Variants in DLGAP2 observed in about 807,000 individuals in gnomAD.
DLGAP2 encodes disks large-associated protein 2.
Under a neutral mutation model 100.3 loss-of-function variants are expected in DLGAP2, and 26 were observed. The ratio of observed to expected loss-of-function variants is 0.26; its 90% CI spans 0.19 to 0.36. The LOEUF (loss-of-function observed/expected upper bound fraction) is 0.36. Ranked by LOEUF, DLGAP2 falls within the 10% of genes least tolerant of loss-of-function variation. The pLI, the probability that DLGAP2 is intolerant of heterozygous loss-of-function variation, is 1.00. For synonymous variants in DLGAP2, 886 were observed against 630.1 expected, an observed-to-expected ratio of 1.41 and a Z score of -6.08; for missense variants, 1,858 against 1,453.2, an observed-to-expected ratio of 1.28 and a Z score of -4.53.
rs1412296020 is a variant in DLGAP2, at chr8:878,367, C to G, written c.19-29545C>G. Among the ~76,000 whole-genome samples the G allele has an allele frequency of 6.6e-5, 10 of 152,250 alleles. No homozygotes were observed. In the East Asian group the frequency reaches 1.7e-3, roughly 26 times the overall value. On this transcript the variant is annotated intron_variant, in intron 1 of 14. Coordinates refer to ENST00000637795, the MANE Select transcript of DLGAP2 (RefSeq NM_001346810.2). ...GGAACACACGGTAGGTTTTGTGGTT[C>G]AAAGTTCAGAAAATTCTTGATGAAT...
At position 1,702,443 on chromosome 8, in the gene DLGAP2, G is replaced by A. The variant is rs1249445579; in HGVS notation, c.*1037G>A. 6.6e-6 allele frequency: 1 copy of A among 152,586 alleles called. No homozygotes were observed. Among genetic ancestry groups the A allele is most frequent in the Non-Finnish European group, 1.5e-5 (1 of 68,038 alleles). 9.5% of individuals were successfully genotyped at this position (152,586 alleles called of 1,614,324 possible). On this transcript the variant is annotated 3_prime_UTR_variant, in exon 15 of 15. Coordinates refer to ENST00000637795, the MANE Select transcript of DLGAP2 (RefSeq NM_001346810.2). ...TGTAAAAAGTTTAAGAAATATGAATGTGAGTGGTAAGTATATCTCAGTTTA... is the reference window on the plus strand; with the variant it reads ...TGTAAAAAGTTTAAGAAATATGAATATGAGTGGTAAGTATATCTCAGTTTA...
chr8:1,704,305 C>G lies in DLGAP2; in HGVS notation c.*2899C>G, dbSNP rs1257442316. 6.6e-6 allele frequency: 1 copy of G among 152,128 alleles called. No individual in the cohort carries two copies. Among genetic ancestry groups the G allele is most frequent in the Non-Finnish European group, 1.5e-5 (1 of 68,012 alleles). The allele number at this position is 152,128 out of a possible 1,614,324, so 9.4% of individuals were successfully genotyped here. A position where few individuals can be genotyped will look rare whatever the true frequency, so the allele number is the denominator to read the frequency against. On this transcript the variant is annotated 3_prime_UTR_variant, in exon 15 of 15. Transcript: ENST00000637795. Reference sequence around the variant, plus strand: ...TAGAGAGTGTGATGTTCACTATAACCCCATACCTACATTCCCTAATGATAC... The same window carrying G: ...TAGAGAGTGTGATGTTCACTATAACGCCATACCTACATTCCCTAATGATAC...
rs1796403483 is a variant in DLGAP2 at position 813,215 on chromosome 8, T to A, written c.18+75390T>A. Among the ~76,000 whole-genome samples the A allele has an allele frequency of 2.0e-5, 3 of 152,292 alleles. No homozygotes were observed. In the South Asian group the frequency reaches 6.2e-4, roughly 32 times the overall value. ...ACAAAAAACCTATTGTGATCTACAG[T>A]TTCTGTTATCTCGTGGATATCCTAG... On this transcript the variant is annotated intron_variant, in intron 1 of 14. Coordinates refer to ENST00000637795, the MANE Select transcript of DLGAP2 (RefSeq NM_001346810.2).
chr8:1,503,976 C>G (rs946024366), intron 4 of DLGAP2, among the ~76,000 whole-genome samples: 5 of 152,094 alleles, frequency 3.3e-5, no homozygotes, highest in Non-Finnish European at 7.3e-5. Context: ...ACACGGTGAC[C>G]TGGAGTCACA....
At chr8:1,330,567 C>G (rs1801130040) in intron 3 of DLGAP2, among the ~76,000 whole-genome samples, 2 of 144,404 alleles carry the variant, frequency 1.4e-5, no homozygotes, top group Non-Finnish European at 3.0e-5. Context: ...TTCACAGGGA[C>G]TGAGTTCTGT....
chr8:797,955 T>C (rs564585831), intron 1 of DLGAP2, among the ~76,000 whole-genome samples: 1 of 152,216 alleles, frequency 6.6e-6, no homozygotes, highest in East Asian at 1.9e-4. Context: ...TTTCATCATG[T>C]TGGCCAGGCT....
At chr8:1,440,932 T>G (rs1797811801) in intron 3 of DLGAP2, among the ~76,000 whole-genome samples, 1 of 152,320 alleles carries the variant, frequency 6.6e-6, no homozygotes, top group East Asian at 1.9e-4. Flanking sequence ...ATATCTTTTA[T>G]AAAAACAAAT....
intron 3 of DLGAP2, among the ~76,000 whole-genome samples, chr8:1,328,614 G>T (rs533295710): frequency 6.6e-6 from 1 of 152,314 alleles, no homozygotes. Context: ...GCCTCCTAAA[G>T]TGCTGGGATT....
chr8:1,550,148 G>C (rs1227173362), intron 5 of DLGAP2, among the ~76,000 whole-genome samples: 1 of 152,200 alleles, frequency 6.6e-6, no homozygotes, highest in Non-Finnish European at 1.5e-5. Flanking sequence ...GGCTCATCCT[G>C]CTTTGCAGTT....
chr8:1,255,982 CTGTGTGTGTCCTCTCCTGCCTGGGTGCTG>C (rs1799199091), intron 2 of DLGAP2, among the ~76,000 whole-genome samples: 2 of 82,900 alleles, frequency 2.4e-5, no homozygotes, highest in Admixed American at 2.8e-4. Flanking sequence ...TGCGTGGGTG[CTGTGTGTGTCCTCTCCTGCCTGGGTGCTG>C]TGTGTGTGTC....
intron 3 of DLGAP2, among the ~76,000 whole-genome samples, chr8:1,479,996 T>A (rs1799044608): frequency 6.6e-6 from 1 of 152,200 alleles, no homozygotes; most frequent in African/African-American, 2.4e-5. Context: ...ATGTTTTACA[T>A]AGATTAGTCC....
chr8:1,379,282 C>A (rs558463724), intron 3 of DLGAP2, among the ~76,000 whole-genome samples: 1 of 152,260 alleles, frequency 6.6e-6, no homozygotes, highest in Non-Finnish European at 1.5e-5. Flanking sequence ...AGGGCCACAT[C>A]TTCGCTAAGT....
intron 2 of DLGAP2, among the ~76,000 whole-genome samples, chr8:934,911 T>C (rs1799035532): frequency 6.6e-6 from 1 of 152,180 alleles, no homozygotes. Context: ...CAGCTCTGCC[T>C]CTTTAAAGTC....
chr8:1,514,959 C>A (rs1397932015), intron 4 of DLGAP2, among the ~76,000 whole-genome samples: 1 of 151,810 alleles, frequency 6.6e-6, no homozygotes, highest in Non-Finnish European at 1.5e-5. Flanking sequence ...GCAGGGAGAC[C>A]GACGTGCAGG....
intron 2 of DLGAP2, among the ~76,000 whole-genome samples, chr8:973,799 C>G (rs1800087324): frequency 6.6e-6 from 1 of 151,342 alleles, no homozygotes; most frequent in African/African-American, 2.4e-5. Flanking sequence ...GAGCGCGAAT[C>G]CGGGGCTCGG....
chr8:1,439,501 C>A (rs749062376), intron 3 of DLGAP2, among the ~76,000 whole-genome samples: 7 of 152,186 alleles, frequency 4.6e-5, no homozygotes, highest in Non-Finnish European at 8.8e-5. Context: ...TCAGCCCTGT[C>A]ATCAGAGGCC....
At chr8:1,571,375 AGG>A (rs1445634624) in intron 6 of DLGAP2, among the ~76,000 whole-genome samples, 1 of 78,064 alleles carries the variant, frequency 1.3e-5, no homozygotes, top group South Asian at 5.4e-4. Context: ...GAGAGGAGAG[AGG>A]GGTGAACTGT....
At chr8:1,700,837 C>G (rs1464843640) in intron 14 of DLGAP2, among the ~76,000 whole-genome samples, 2 of 152,216 alleles carry the variant, frequency 1.3e-5, no homozygotes, top group East Asian at 3.9e-4. Flanking sequence ...GGAGATGACA[C>G]AGGGCTTTGG....
chr8:890,306 C>T (rs1397903697), intron 1 of DLGAP2, among the ~76,000 whole-genome samples: 1 of 152,156 alleles, frequency 6.6e-6, no homozygotes, highest in Non-Finnish European at 1.5e-5. Context: ...TGGTTTGCTG[C>T]AGGACTTTTC....
Sources: allele counts gnomAD v4.1 joint callset (sites outside exome capture counted in the v4.1 genomes callset), GRCh38; gene constraint gnomAD v4.1.1; transcripts MANE v1.5; gene names NCBI Gene and HGNC (gene_info 2026-07-23, HGNC 2026-07-21).